Variants in PPIG observed in about 807,000 individuals in gnomAD.
PPIG encodes the protein peptidyl-prolyl cis-trans isomerase G.
In PPIG, 26 loss-of-function variants were observed where a neutral mutation model predicts 87.9. The observed-to-expected ratio is 0.30, with a 90% CI of 0.22 to 0.41. PPIG has a LOEUF of 0.41. Ranked by LOEUF, PPIG falls within the 10% of genes least tolerant of loss-of-function variation. PPIG has a pLI of 1.00. For missense variants in PPIG, 722 were observed against 879.4 expected (o/e 0.82, Z 2.26); for synonymous variants, 308 against 276.5 (o/e 1.11, Z -1.13).
intron 1 of PPIG, among the ~76,000 whole-genome samples, chr2:169,589,014 G>T (rs532180570): frequency 6.8e-6 from 1 of 148,146 alleles, no homozygotes; most frequent in African/African-American, 2.5e-5. Context: ...AACATTAAGA[G>T]TATTAGCCGT....
chr2:169,590,769 C>T (rs570843243), intron 1 of PPIG, among the ~76,000 whole-genome samples: 6 of 152,266 alleles, frequency 3.9e-5, no homozygotes, highest in African/African-American at 1.4e-4. Flanking sequence ...TGAGGAGAAT[C>T]CTAAGGGTCA....
chr2:169,623,286 G>GAC (rs1309724672), intron 9 of PPIG, among the ~76,000 whole-genome samples: 1 of 152,156 alleles, frequency 6.6e-6, no homozygotes, highest in Non-Finnish European at 1.5e-5. Flanking sequence ...GAGCTGACGT[G>GAC]ACCTCAGATC....
intron 1 of PPIG, among the ~76,000 whole-genome samples, chr2:169,596,352 G>T (rs779315561): frequency 1.1e-4 from 17 of 151,936 alleles, no homozygotes; most frequent in Admixed American, 2.6e-4. Flanking sequence ...TGATCCCCCT[G>T]CCTCAGCCTC....
chr2:169,630,173 G>C (rs548767912), intron 9 of PPIG, among the ~76,000 whole-genome samples: 12 of 150,436 alleles, frequency 8.0e-5, no homozygotes, highest in Admixed American at 5.9e-4. Flanking sequence ...TAAAGTTACT[G>C]CTTCCTTAAC....
chr2:169,631,004 T>A lies in PPIG; in HGVS notation c.761+17T>A, dbSNP rs777275336. ...CAAGAAGAGGTCTTAATTTTACTTT[T>A]CTAATGCTAGCTTTATATTCTGATT... is the stretch of plus-strand genomic sequence containing the variant. On this transcript the variant is annotated intron_variant, in intron 10 of 13. Transcript: ENST00000260970. The A allele has an allele frequency of 1.3e-6, 2 of 1,548,802 alleles. No homozygotes were observed. Among genetic ancestry groups the A allele is most frequent in the Admixed American group, 2.2e-5 (1 of 46,160 alleles).
intron 7 of PPIG, among the ~76,000 whole-genome samples, chr2:169,613,008 C>T (rs1352262228): frequency 2.6e-5 from 4 of 152,164 alleles, no homozygotes; most frequent in Admixed American, 2.0e-4. Context: ...CACTTATTTG[C>T]CACACTATGT....
intron 9 of PPIG, among the ~76,000 whole-genome samples, chr2:169,616,474 AGT>A (rs1380254691): frequency 6.6e-6 from 1 of 152,186 alleles, no homozygotes; most frequent in African/African-American, 2.4e-5. Context: ...ACAGTATAAC[AGT>A]GTTCCTATTT....
chr2:169,615,630 C>T (rs1299615118), intron 9 of PPIG, among the ~76,000 whole-genome samples: 1 of 152,174 alleles, frequency 6.6e-6, no homozygotes, highest in Admixed American at 6.5e-5. Flanking sequence ...ATTCATGTTG[C>T]TCCAGATGAC....
At chr2:169,604,460 C>G (rs924110616) in intron 4 of PPIG, among the ~76,000 whole-genome samples, 199 bp downstream of exon 4, 2 of 151,196 alleles carry the variant, frequency 1.3e-5, no homozygotes, top group Non-Finnish European at 2.9e-5. Flanking sequence ...GCTACCACAC[C>G]TGGCATAGCT....
rs567677047 is a variant in PPIG at position 169,620,849 on chromosome 2, A to G, written c.547+6125A>G. On this transcript the variant is annotated intron_variant, in intron 9 of 13. Transcript: ENST00000260970. ...AAAGTAATGGAGTGAGATTACCTTC[A>G]AACCTGTATAGAAAGTAGTAAAACC... Among the ~76,000 whole-genome samples, 11 of 152,292 alleles carry G rather than the reference A, an allele frequency of 7.2e-5. No homozygotes were observed. The South Asian group carries it at 2.1e-3, about 29-fold the overall frequency.
intron 1 of PPIG, among the ~76,000 whole-genome samples, chr2:169,596,799 A>C (rs1202285912): frequency 6.6e-6 from 1 of 151,982 alleles, no homozygotes; most frequent in Non-Finnish European, 1.5e-5. Flanking sequence ...TCCCGGGTTT[A>C]AGCGATTCTC....
intron 1 of PPIG, among the ~76,000 whole-genome samples, chr2:169,595,971 A>C (rs1038970664): frequency 6.7e-6 from 1 of 150,366 alleles, no homozygotes; most frequent in Non-Finnish European, 1.5e-5. Flanking sequence ...CGCCCGGCTA[A>C]TTTTGTATTT....
chr2:169,609,275 C>G (rs981171913), intron 7 of PPIG, among the ~76,000 whole-genome samples: 2 of 151,950 alleles, frequency 1.3e-5, no homozygotes, highest in African/African-American at 4.8e-5. Context: ...GTGTTGCAAT[C>G]ATGGCTCACC....
intron 1 of PPIG, among the ~76,000 whole-genome samples, chr2:169,591,920 A>ATTTTTTTTTTTTTTTTTTTTT (rs3067016): frequency 1.1e-5 from 1 of 87,410 alleles, no homozygotes. Context: ...GCAATTCATG[A>ATTTTTTTTTTTTTTTTTTTTT]TTTTTTTTTT....
intron 9 of PPIG, among the ~76,000 whole-genome samples, chr2:169,615,950 A>G (rs1401524680): frequency 1.3e-5 from 2 of 152,198 alleles, no homozygotes; most frequent in Non-Finnish European, 2.9e-5. Context: ...TGAACCCATC[A>G]GCCCGTCATC....
intron 7 of PPIG, among the ~76,000 whole-genome samples, chr2:169,612,086 C>T (rs1361938016): frequency 6.6e-6 from 1 of 152,082 alleles, no homozygotes; most frequent in Non-Finnish European, 1.5e-5. Context: ...AGTGATCCTA[C>T]CGCCTCAGCC....
rs905394159 is a variant in PPIG at position 169,638,084 on chromosome 2, C to G, written c.*561C>G. On this transcript the variant is annotated 3_prime_UTR_variant, in exon 14 of 14. Transcript: ENST00000260970. ...ATGTATTTATATTGCACTTCATACTCTATTCTTTATAGTTCGAGCCATAGC... is the reference window on the plus strand; with the variant it reads ...ATGTATTTATATTGCACTTCATACTGTATTCTTTATAGTTCGAGCCATAGC... 6.6e-6 allele frequency: 1 copy of G among 152,090 alleles called. No individual in the cohort carries two copies. Among genetic ancestry groups the G allele is most frequent in the African/African-American group, 2.4e-5 (1 of 41,438 alleles). The allele number at this position is 152,090 out of a possible 1,614,324, so 9.4% of individuals were successfully genotyped here.
chr2:169,621,042 C>G (rs1292939575), intron 9 of PPIG, among the ~76,000 whole-genome samples: 3 of 151,978 alleles, frequency 2.0e-5, no homozygotes, highest in Non-Finnish European at 4.4e-5. Context: ...AGATTAAGTT[C>G]TTTACTGTGT....
At chr2:169,592,212 G>A (rs887921914) in intron 1 of PPIG, among the ~76,000 whole-genome samples, 1 of 148,160 alleles carries the variant, frequency 6.7e-6, no homozygotes, top group African/African-American at 2.5e-5. Context: ...GTATCTCCTA[G>A]CATTATTTTT....
Sources: gnomAD v4.1 joint callset for allele counts (sites outside exome capture counted in the v4.1 genomes callset) on GRCh38, gnomAD v4.1.1 for gene constraint, MANE v1.5 for transcripts, NCBI Gene and HGNC (gene_info 2026-07-23, HGNC 2026-07-21) for gene names.